The following ZFHX3 variants were observed in gnomAD, a reference collection of about 807,000 sequenced individuals.
ZFHX3 encodes the protein zinc finger homeobox 3.
ZFHX3 carries 42 observed loss-of-function variants against 279.1 expected under a neutral mutation model. The ratio of observed to expected loss-of-function variants is 0.15; its 90% confidence interval spans 0.12 to 0.19. The LOEUF (loss-of-function observed/expected upper bound fraction) is 0.19, where lower values mean the gene tolerates loss of function less well. ZFHX3 is among the 10% of genes least tolerant of loss of function. ZFHX3 has a pLI of 1.00. For synonymous variants in ZFHX3, 2,293 were observed against 1,957.8 expected (o/e 1.17, Z -4.52); for missense variants, 4,981 against 4,754.0 (o/e 1.05, Z -1.40).
At chr16:72,913,675 C>A (rs1394682694) in intron 3 of ZFHX3, among the ~76,000 whole-genome samples, 1 of 152,162 alleles carries the variant, frequency 6.6e-6, no homozygotes, top group Non-Finnish European at 1.5e-5. Context: ...GCCCAGCCCA[C>A]ACTTAAGGGC....
intron 6 of ZFHX3, among the ~76,000 whole-genome samples, chr16:73,142,102 C>T (rs999534214): frequency 4.6e-5 from 7 of 152,186 alleles, no homozygotes; most frequent in Admixed American, 1.3e-4. Flanking sequence ...CAAACATGGT[C>T]CCTCCCTTTG....
intron 2 of ZFHX3, among the ~76,000 whole-genome samples, chr16:73,633,373 T>G (rs1178902010): frequency 6.6e-6 from 1 of 152,194 alleles, no homozygotes; most frequent in Non-Finnish European, 1.5e-5. Flanking sequence ...CAATTCAATC[T>G]TGTTTTGTCC....
At chr16:73,478,315 C>G (rs887477460) in intron 2 of ZFHX3, among the ~76,000 whole-genome samples, 1 of 148,234 alleles carries the variant, frequency 6.7e-6, no homozygotes, top group Non-Finnish European at 1.5e-5. Flanking sequence ...AGCCATATGA[C>G]ATGCCTGAAC....
At chr16:73,783,283 G>A (rs112717050) in intron 1 of ZFHX3, among the ~76,000 whole-genome samples, 10 of 152,302 alleles carry the variant, frequency 6.6e-5, no homozygotes, top group Middle Eastern at 3.4e-3. Context: ...TCAGAACTCC[G>A]TATGGGATCT....
chr16:73,868,587 T>C (rs62041525), intron 1 of ZFHX3, among the ~76,000 whole-genome samples: 25,487 of 152,214 alleles, frequency 0.17, 2,764 homozygotes, highest in Non-Finnish European at 0.25. Flanking sequence ...AGCTTCCCTC[T>C]GTCCCCCTCT....
intron 5 of ZFHX3, among the ~76,000 whole-genome samples, chr16:73,162,884 C>G (rs1292503623): frequency 2.6e-5 from 4 of 152,178 alleles, no homozygotes; most frequent in Non-Finnish European, 4.4e-5. Flanking sequence ...GAATGGTGGT[C>G]ATCTGTGAAT....
intron 3 of ZFHX3, among the ~76,000 whole-genome samples, chr16:73,361,618 G>C (rs967438217): frequency 3.3e-5 from 5 of 152,174 alleles, no homozygotes; most frequent in African/African-American, 1.2e-4. Flanking sequence ...GAATACTACA[G>C]ATAAAGGCTG....
intron 6 of ZFHX3, among the ~76,000 whole-genome samples, chr16:73,140,050 T>A (rs542120790): frequency 3.2e-4 from 48 of 152,072 alleles, no homozygotes; most frequent in Non-Finnish European, 1.9e-4. Flanking sequence ...GGAGAATCGT[T>A]GAGGCCACGA....
At chr16:72,955,562 T>C (rs1402565768) in intron 2 of ZFHX3, among the ~76,000 whole-genome samples, 1 of 152,160 alleles carries the variant, frequency 6.6e-6, no homozygotes, top group African/African-American at 2.4e-5. Context: ...GCAGATCACC[T>C]GAGGTCAAGG....
At chr16:73,478,389 C>A (rs116854519) in intron 2 of ZFHX3, among the ~76,000 whole-genome samples, 87 of 152,146 alleles carry the variant, frequency 5.7e-4, no homozygotes, top group South Asian at 2.1e-4. Context: ...GCTATCCAGG[C>A]TTCTTCCCTG....
chr16:73,784,339 T>C (rs1387218311), intron 1 of ZFHX3, among the ~76,000 whole-genome samples: 1 of 152,084 alleles, frequency 6.6e-6, no homozygotes, highest in African/African-American at 2.4e-5. Flanking sequence ...GCTTAACATA[T>C]CTAGTGCCTG....
intron 3 of ZFHX3, among the ~76,000 whole-genome samples, chr16:73,424,139 A>T (rs1022465702): frequency 6.6e-6 from 1 of 152,116 alleles, no homozygotes; most frequent in Non-Finnish European, 1.5e-5. Context: ...CATATTATTT[A>T]AGCCACTTTG....
intron 4 of ZFHX3, among the ~76,000 whole-genome samples, chr16:73,265,316 C>T (rs911431202): frequency 2.6e-5 from 4 of 152,004 alleles, no homozygotes; most frequent in Non-Finnish European, 4.4e-5. Flanking sequence ...TGAGGAGGAG[C>T]CATGCTGATG....
intron 1 of ZFHX3, among the ~76,000 whole-genome samples, chr16:73,761,179 A>G (rs2053862272): frequency 6.6e-6 from 1 of 152,088 alleles, no homozygotes; most frequent in Non-Finnish European, 1.5e-5. Context: ...AAGCATTCCT[A>G]TACATCAACA....
At chr16:73,863,923 T>A (rs1054680471) in intron 1 of ZFHX3, among the ~76,000 whole-genome samples, 1 of 152,314 alleles carries the variant, frequency 6.6e-6, no homozygotes, top group East Asian at 1.9e-4. Flanking sequence ...GATAGAAAAA[T>A]GATCACGCTC....
At chr16:73,604,380 T>A (rs1166576589) in intron 2 of ZFHX3, among the ~76,000 whole-genome samples, 7 of 152,062 alleles carry the variant, frequency 4.6e-5, no homozygotes, top group Admixed American at 4.6e-4. Flanking sequence ...CCCCAGGCAA[T>A]TTCAAATCTA....
intron 1 of ZFHX3, among the ~76,000 whole-genome samples, chr16:72,988,296 G>A (rs1204065829): frequency 6.6e-6 from 1 of 152,184 alleles, no homozygotes; most frequent in African/African-American, 2.4e-5. Flanking sequence ...TCTAGGGCAG[G>A]GAACAGCCAG....
intron 3 of ZFHX3, among the ~76,000 whole-genome samples, chr16:73,417,052 G>T (rs1001497726): frequency 6.6e-6 from 1 of 151,910 alleles, no homozygotes; most frequent in Non-Finnish European, 1.5e-5. Flanking sequence ...CTGACATCAC[G>T]CACCCCGCAT....
chr16:73,489,597 C>A (rs1323107640), intron 2 of ZFHX3, among the ~76,000 whole-genome samples: 5 of 152,178 alleles, frequency 3.3e-5, no homozygotes, highest in African/African-American at 1.2e-4. Context: ...CTATAACTTG[C>A]TTACTTTAAG....
Sources: allele counts gnomAD v4.1 joint callset (sites outside exome capture counted in the v4.1 genomes callset), GRCh38; gene constraint gnomAD v4.1.1; transcripts MANE v1.5; gene names NCBI Gene and HGNC (gene_info 2026-07-23, HGNC 2026-07-21).